LIMS1: variants seen among roughly 807,000 people sequenced by gnomAD.
The protein encoded by LIMS1 is LIM and senescent cell antigen-like-containing domain protein 1.
LIMS1 carries 18 observed loss-of-function variants against 44.1 expected under a neutral mutation model. The observed-to-expected ratio is 0.41, with a 90% CI of 0.28 to 0.61. The LOEUF (loss-of-function observed/expected upper bound fraction) is 0.61, where lower values mean the gene tolerates loss of function less well. LIMS1 is among the 20% of genes least tolerant of loss of function. The probability of loss-of-function intolerance (pLI) is 0.32; values close to 1 mark genes in which losing one functional copy is unlikely to be tolerated. For synonymous variants in LIMS1, 93 were observed against 149.1 expected (o/e 0.62, Z 2.74); for missense variants, 201 against 422.0 (o/e 0.48, Z 4.59).
In LIMS1 at chr2:108,631,233, C is replaced by A. The variant is rs543112703; in HGVS notation, c.33-28372C>A. 2.0e-5 allele frequency among the ~76,000 whole-genome samples: 3 copies of A among 152,308 alleles called. No homozygotes were observed. In the East Asian group the frequency reaches 5.8e-4, roughly 29 times the overall value. The stretch of plus-strand genomic sequence containing the variant: ...TAATATATACCTCCGCCCTTCCCTT[C>A]CTAGTTTTGAGTGTAAATACACTTG... On this transcript the variant is annotated intron_variant, in intron 1 of 9. Coordinates refer to ENST00000544547, the Ensembl canonical transcript of LIMS1.
At chr2:108,608,145 A>G (rs1246712271) in intron 1 of LIMS1, among the ~76,000 whole-genome samples, 3 of 152,156 alleles carry the variant, frequency 2.0e-5, no homozygotes, top group Non-Finnish European at 4.4e-5. Context: ...TCCTCCACGA[A>G]GAAGCCCTTT....
At chr2:108,581,956 CA>C (rs1685903805) in intron 1 of LIMS1, among the ~76,000 whole-genome samples, 1 of 149,342 alleles carries the variant, frequency 6.7e-6, no homozygotes, top group African/African-American at 2.5e-5. Flanking sequence ...AAAAAACAAA[CA>C]AAAAATACTT....
At chr2:108,686,875 G>T (rs1239760011) in exon 10 of LIMS1, 1 of 152,046 alleles carries the variant, frequency 6.6e-6, no homozygotes, top group Non-Finnish European at 1.5e-5. Flanking sequence ...ACTTAGGCCA[G>T]TAAGCATCTC....
intron 1 of LIMS1, among the ~76,000 whole-genome samples, chr2:108,608,121 CCCT>C (rs1471472272): frequency 2.0e-5 from 3 of 152,170 alleles, no homozygotes; most frequent in African/African-American, 4.8e-5. Flanking sequence ...CAATCACATT[CCCT>C]CCTCCTGTTT....
At chr2:108,574,911 T>A (rs1012984728) in intron 1 of LIMS1, among the ~76,000 whole-genome samples, 2 of 152,224 alleles carry the variant, frequency 1.3e-5, no homozygotes, top group Non-Finnish European at 2.9e-5. Context: ...GTTCCAGGGT[T>A]GGAAACTTAA....
chr2:108,586,360 T>C (rs1686104994), intron 1 of LIMS1, among the ~76,000 whole-genome samples: 1 of 152,124 alleles, frequency 6.6e-6, no homozygotes, highest in African/African-American at 2.4e-5. Context: ...AGAAGGAAAG[T>C]GGCTGTCTGG....
chr2:108,561,172 T>A (rs965333104), intron 1 of LIMS1, among the ~76,000 whole-genome samples: 1 of 152,268 alleles, frequency 6.6e-6, no homozygotes, highest in Non-Finnish European at 1.5e-5. Context: ...GTGGGTATTT[T>A]GTTTGAGAAA....
intron 2 of LIMS1, among the ~76,000 whole-genome samples, chr2:108,665,960 CACAA>C (rs1691727944): frequency 6.6e-6 from 1 of 151,918 alleles, no homozygotes; most frequent in African/African-American, 2.4e-5. Context: ...GGATAGAAAA[CACAA>C]ACCATTTTCC....
intron 1 of LIMS1, among the ~76,000 whole-genome samples, chr2:108,564,041 C>CAAAAA (rs201454363): frequency 2.2e-5 from 2 of 92,400 alleles, no homozygotes; most frequent in African/African-American, 4.1e-5. Context: ...GACCCTGTCT[C>CAAAAA]AAAAAAAAAA....
intron 1 of LIMS1, among the ~76,000 whole-genome samples, chr2:108,631,706 T>A (rs1688933451): frequency 6.6e-6 from 1 of 152,196 alleles, no homozygotes; most frequent in African/African-American, 2.4e-5. Flanking sequence ...GACTCCAGGC[T>A]GTGATGCGTA....
intron 1 of LIMS1, among the ~76,000 whole-genome samples, chr2:108,645,296 C>T (rs1315438023): frequency 1.3e-5 from 2 of 152,154 alleles, no homozygotes; most frequent in South Asian, 2.1e-4. Context: ...CAGCGGATCT[C>T]GGCAGAAACC....
intron 1 of LIMS1, among the ~76,000 whole-genome samples, chr2:108,586,144 A>T (rs757823044): frequency 5.9e-5 from 9 of 152,120 alleles, no homozygotes; most frequent in Non-Finnish European, 1.2e-4. Context: ...GTGAGCTGAG[A>T]TTGCGCCACT....
intron 2 of LIMS1, among the ~76,000 whole-genome samples, chr2:108,667,834 C>T (rs1240457560): frequency 1.3e-5 from 2 of 152,066 alleles, no homozygotes. Context: ...GCACATCCTC[C>T]TGTATACTTT....
intron 1 of LIMS1, among the ~76,000 whole-genome samples, chr2:108,591,070 A>AT (rs982263579): frequency 1.1e-4 from 17 of 152,194 alleles, no homozygotes; most frequent in Non-Finnish European, 2.5e-4. Flanking sequence ...GTTTGGGGAC[A>AT]TTAGGGAAGC....
intron 1 of LIMS1, among the ~76,000 whole-genome samples, chr2:108,641,148 G>A (rs1312594914): frequency 6.6e-6 from 1 of 152,156 alleles, no homozygotes; most frequent in African/African-American, 2.4e-5. Context: ...TATTCCATCT[G>A]AAACGATGTA....
intron 1 of LIMS1, chr2:108,621,573 C>CTCTTA: frequency 2.6e-6 from 2 of 757,174 alleles, no homozygotes; most frequent in South Asian, 3.1e-5. Context: ...GAAAAGTAGC[C>CTCTTA]TCTTAGTCTG....
intron 1 of LIMS1, chr2:108,659,116 C>T (rs1691140844): frequency 1.0e-6 from 1 of 981,042 alleles, no homozygotes; most frequent in African/African-American, 1.8e-5. Context: ...TTGTTTTCCA[C>T]AGGATTTAAT....
intron 1 of LIMS1, among the ~76,000 whole-genome samples, chr2:108,552,610 G>A (rs1415616486): frequency 6.7e-6 from 1 of 149,992 alleles, no homozygotes; most frequent in Non-Finnish European, 1.5e-5. Context: ...GTGTGTGTGT[G>A]TGTTTTTGGA....
rs781050617 is a variant in LIMS1, at chr2:108,683,929, G to A, written c.944G>A (p.Cys315Tyr). Residue 315 changes from cysteine (C) to tyrosine (Y), a missense_variant, in exon 10 of 10, where the codon TGC (cysteine) becomes TAC (tyrosine). By Grantham distance (194) the Cys-to-Tyr change is radical. Around this residue, in one of 7 missense-constraint regions of LIMS1, gnomAD observed 30 missense variants for 23.8 expected, o/e 1.26. Coordinates refer to ENST00000544547, the Ensembl canonical transcript of LIMS1. ...GACATGAAGCCAGTCTGTAAGAAGTGCTATGAGAAATTTCCATTGGAGCTG... is the reference window on the plus strand; with the variant it reads ...GACATGAAGCCAGTCTGTAAGAAGTACTATGAGAAATTTCCATTGGAGCTG... 3.7e-6 allele frequency: 6 copies of A among 1,604,930 alleles called. No homozygotes were observed. In the Admixed American group the frequency reaches 8.5e-5, roughly 23 times the overall value.
Sources: allele counts gnomAD v4.1 joint callset (sites outside exome capture counted in the v4.1 genomes callset), GRCh38; gene constraint gnomAD v4.1.1; regional missense constraint gnomAD v4.1.1; transcripts MANE v1.5; gene names NCBI Gene and HGNC (gene_info 2026-07-23, HGNC 2026-07-21).